MGST1: variants seen among roughly 807,000 people sequenced by gnomAD.
MGST1 encodes glutathione S-transferase 12.
MGST1 carries 5 observed loss-of-function variants against 8.9 expected under a neutral mutation model. The ratio of observed to expected loss-of-function variants is 0.56; its 90% confidence interval spans 0.29 to 1.19. The LOEUF is 1.19. Among genes scored for constraint, MGST1 ranks in the 50% most tolerant of loss-of-function variants. The pLI, the probability that MGST1 is intolerant of heterozygous loss-of-function variation, is 0.08. For missense variants in MGST1, 182 were observed against 187.4 expected (o/e 0.97, Z 0.17); for synonymous variants, 54 against 67.8 (o/e 0.80, Z 1.00).
At chr12:16,427,652 G>T (rs966213672) in intron 1 of MGST1, among the ~76,000 whole-genome samples, 1 of 152,186 alleles carries the variant, frequency 6.6e-6, no homozygotes, top group African/African-American at 2.4e-5. Context: ...AAAGTGCTGG[G>T]ATTACCGGCA....
chr12:16,513,461 A>G lies in MGST1; in HGVS notation n.483-76067A>G. On this transcript the variant is annotated intron_variant and non_coding_transcript_variant, in intron 4 of 4. Coordinates refer to the MGST1 transcript ENST00000538857. This position sits in a 1 kb window ranked among gnomAD's most constrained non-coding sequence, Gnocchi z 4.2. The stretch of plus-strand genomic sequence containing the variant: ...CGCCTTCCACCCGGGCTCGCCTCTG[A>G]TGCCCCTGCCAGAGCCAGCTCCTGG... 1 of 429,240 alleles carries G rather than the reference A, an allele frequency of 2.3e-6. No individual in the cohort carries two copies. Among genetic ancestry groups the G allele is most frequent in the Non-Finnish European group, 4.6e-6 (1 of 216,636 alleles). 26.6% of individuals were successfully genotyped at this position (429,240 alleles called of 1,614,324 possible).
intron 4 of MGST1, among the ~76,000 whole-genome samples, chr12:16,462,961 A>G (rs760738579): frequency 6.6e-6 from 1 of 152,114 alleles, no homozygotes; most frequent in Non-Finnish European, 1.5e-5. Context: ...AATCTGATAT[A>G]CCCGCTGTAG....
Position 16,548,889 on chromosome 12 carries a change from T to A in MGST1, n.483-40639T>A, listed in dbSNP as rs899966087. On this transcript the variant is annotated intron_variant and non_coding_transcript_variant, in intron 4 of 4. Transcript: ENST00000538857. The surrounding 1 kb of genome is among the most constrained non-coding windows in gnomAD (Gnocchi z 4.2). Reference sequence around the variant, plus strand: ...GTAATTTTGTTTGTAGTAAAAAGCATAAGAAATAATTCTCAGCATATTATG... The same window carrying A: ...GTAATTTTGTTTGTAGTAAAAAGCAAAAGAAATAATTCTCAGCATATTATG... 2.6e-5 allele frequency: 4 copies of A among 152,208 alleles called. No homozygotes were observed. Among genetic ancestry groups the A allele is most frequent in the Middle Eastern group, 3.4e-3 (1 of 294 alleles). The allele number at this position is 152,208 out of a possible 1,614,324, so 9.4% of individuals were successfully genotyped here.
chr12:16,417,174 A>G (rs972988822), intron 1 of MGST1, among the ~76,000 whole-genome samples: 2 of 152,148 alleles, frequency 1.3e-5, no homozygotes, highest in Admixed American at 1.3e-4. Context: ...TCACAGTTCC[A>G]CATGGCTGGG....
intron 4 of MGST1, among the ~76,000 whole-genome samples, chr12:16,542,228 A>G (rs1487858137): frequency 1.3e-5 from 2 of 152,232 alleles, no homozygotes; most frequent in Non-Finnish European, 2.9e-5. Context: ...TGCAAGAAAA[A>G]AAGCTATGAA....
intron 1 of MGST1, among the ~76,000 whole-genome samples, chr12:16,404,510 C>A (rs1046181765): frequency 2.1e-4 from 32 of 151,356 alleles, no homozygotes; most frequent in Non-Finnish European, 5.9e-5. Flanking sequence ...ATTCTTTTTT[C>A]TCTATTAGTA....
intron 3 of MGST1, among the ~76,000 whole-genome samples, chr12:16,372,940 TATTATATATTAC>T (rs1247011048): frequency 2.8e-5 from 4 of 142,072 alleles, no homozygotes; most frequent in Admixed American, 7.0e-5. Flanking sequence ...GTATATTTTA[TATTATATATTAC>T]ATATTACATA....
chr12:16,462,965 G>T (rs888304050), intron 4 of MGST1, among the ~76,000 whole-genome samples: 1 of 152,018 alleles, frequency 6.6e-6, no homozygotes, highest in Non-Finnish European at 1.5e-5. Flanking sequence ...TGATATACCC[G>T]CTGTAGACTA....
chr12:16,482,524 G>A lies in MGST1; in HGVS notation n.482+98920G>A, dbSNP rs140587273. ...CAGGCGCCTGTAATCCTAGCTACTC[G>A]GGAGGCCGAGGCAGGAGAATTGCTT... On this transcript the variant is annotated intron_variant and non_coding_transcript_variant, in intron 4 of 4. Transcript: ENST00000538857. This position sits in a 1 kb window ranked among gnomAD's most constrained non-coding sequence, Gnocchi z 4.2. Among the ~76,000 whole-genome samples the A allele has an allele frequency of 3.8e-3, 582 of 152,148 alleles. 3 individuals are homozygous for A. Among genetic ancestry groups the A allele is most frequent in the African/African-American group, 0.013 (554 of 41,518 alleles).
chr12:16,368,851 A>G (rs1001803207), downstream of MGST1, among the ~76,000 whole-genome samples: 1 of 152,154 alleles, frequency 6.6e-6, no homozygotes, highest in Non-Finnish European at 1.5e-5. Context: ...ATTGCCTTTT[A>G]CTGAAGTTTA....
At chr12:16,438,057 A>G (rs1213210170) in exon 2 of MGST1, 1 of 151,964 alleles carries the variant, frequency 6.6e-6, no homozygotes, top group African/African-American at 2.4e-5. Flanking sequence ...TATTGTGTTC[A>G]ATATAGTGCA....
intron 1 of MGST1, among the ~76,000 whole-genome samples, chr12:16,387,696 T>C (rs1276782464): frequency 1.3e-5 from 2 of 151,926 alleles, no homozygotes; most frequent in African/African-American, 4.8e-5. Context: ...CTGGCTAATT[T>C]TTTGTATTTT....
chr12:16,514,871 A>C (rs1293321636), intron 4 of MGST1, among the ~76,000 whole-genome samples: 3 of 152,220 alleles, frequency 2.0e-5, no homozygotes, highest in African/African-American at 4.8e-5. Context: ...TGGTGTCTGG[A>C]ACATTGTGGC....
rs533448163 is a variant in MGST1 at position 16,394,296 on chromosome 12, GTTTTGCCTT to G, written n.778+10695_778+10703del. 4.2e-4 allele frequency among the ~76,000 whole-genome samples: 63 copies of G among 150,130 alleles called. 1 individual carries two copies. In the East Asian group the frequency reaches 0.012, roughly 28 times the overall value. ...CTTTTCTTTTTTTTCTGCCATTGGA[GTTTTGCCTT>G]TTGGAAATGTTCATTTAGTTTGTTT... On this transcript the variant is annotated intron_variant and non_coding_transcript_variant, in intron 1 of 1. Coordinates refer to the MGST1 transcript ENST00000359720.
chr12:16,452,745 TA>T (rs869131659), intron 4 of MGST1, among the ~76,000 whole-genome samples: 1 of 151,894 alleles, frequency 6.6e-6, no homozygotes, highest in Non-Finnish European at 1.5e-5. Context: ...AAAAATGTTT[TA>T]AAAAATATTC....
downstream of MGST1, among the ~76,000 whole-genome samples, chr12:16,367,692 C>T (rs7303782): frequency 0.57 from 87,094 of 151,956 alleles, 25,532 homozygotes; most frequent in East Asian, 0.96. Context: ...AAGACTAAGA[C>T]AATCTGACAC....
At chr12:16,467,051 C>A (rs1251847792) in intron 4 of MGST1, among the ~76,000 whole-genome samples, 2 of 152,008 alleles carry the variant, frequency 1.3e-5, no homozygotes, top group African/African-American at 4.8e-5. Flanking sequence ...AGACAGTGTT[C>A]TTTTATTTAA....
chr12:16,443,393 T>C (rs113248454), downstream of MGST1, among the ~76,000 whole-genome samples: 373 of 151,962 alleles, frequency 2.5e-3, no homozygotes, highest in African/African-American at 8.6e-3. Context: ...TTTTTGTTTT[T>C]TCATCATCCC....
chr12:16,449,049 C>G (rs752504006), intron 4 of MGST1, among the ~76,000 whole-genome samples: 2 of 151,900 alleles, frequency 1.3e-5, no homozygotes, highest in African/African-American at 2.4e-5. Context: ...TGCAGTCTTA[C>G]GTTGAACTCT....
Sources: allele counts gnomAD v4.1 joint callset (sites outside exome capture counted in the v4.1 genomes callset), GRCh38; gene constraint gnomAD v4.1.1; non-coding constraint Gnocchi (gnomAD v3.1); transcripts MANE v1.5; gene names NCBI Gene and HGNC (gene_info 2026-07-23, HGNC 2026-07-21).